Variants in RBKS observed in about 807,000 individuals in gnomAD.
The protein encoded by RBKS is ribokinase.
Under a neutral mutation model 33.9 loss-of-function variants are expected in RBKS, and 33 were observed. The ratio of observed to expected loss-of-function variants is 0.97; its 90% CI spans 0.74 to 1.30. RBKS has a LOEUF of 1.30. RBKS is among the 50% of genes most tolerant of loss of function. The pLI, the probability that RBKS is intolerant of heterozygous loss-of-function variation, is 0.00. For synonymous variants in RBKS, 125 were observed against 143.0 expected, an observed-to-expected ratio of 0.87 and a Z score of 0.90; for missense variants, 361 against 392.6, an observed-to-expected ratio of 0.92 and a Z score of 0.68.
At chr2:27,843,346 A>T in intron 4 of RBKS, 115 bp from the exon 5 acceptor site, 1 of 739,518 alleles carries the variant, frequency 1.4e-6, no homozygotes, top group Non-Finnish European at 2.0e-6. Context: ...TGTGTTATTA[A>T]GTATTAATTT....
intron 1 of RBKS, among the ~76,000 whole-genome samples, chr2:27,881,648 C>T (rs1664418923): frequency 6.6e-6 from 1 of 152,108 alleles, no homozygotes; most frequent in Non-Finnish European, 1.5e-5. Flanking sequence ...GGAGGCATCA[C>T]ACTACCTGAC....
chr2:27,839,234 A>G (rs1189484343), intron 5 of RBKS, among the ~76,000 whole-genome samples: 1 of 152,262 alleles, frequency 6.6e-6, no homozygotes, highest in East Asian at 1.9e-4. Context: ...CCAAAGGCAA[A>G]AGGACTGAAG....
rs141638854 is a variant in RBKS at position 27,861,344 on chromosome 2, T to G, written c.90-2773A>C. The G allele has an allele frequency of 9.8e-4, 393 of 402,948 alleles. 3 individuals carry two copies. Among genetic ancestry groups the G allele is most frequent in the Non-Finnish European group, 1.4e-3 (279 of 192,656 alleles). 25.0% of individuals were successfully genotyped at this position (402,948 alleles called of 1,614,324 possible). On this transcript the variant is annotated intron_variant, in intron 1 of 7. Transcript: ENST00000302188. ...GAAATGAGGATGTGGAGGTGTTGAT[T>G]AGGGAAGCAGGGGGAGACTGGCAGG...
At chr2:27,811,123 G>A (rs1381874568) in intron 7 of RBKS, among the ~76,000 whole-genome samples, 1 of 152,180 alleles carries the variant, frequency 6.6e-6, no homozygotes, top group African/African-American at 2.4e-5. Context: ...CTCTGCCTGA[G>A]TGCCACTTTA....
chr2:27,849,440 G>A (rs945302305), intron 2 of RBKS, among the ~76,000 whole-genome samples: 11 of 151,206 alleles, frequency 7.3e-5, no homozygotes, highest in Admixed American at 3.3e-4. Context: ...GCGCACGCCT[G>A]TAGTCCCAGT....
At chr2:27,858,644 G>T in intron 1 of RBKS, 73 bp from the exon 2 acceptor site, 1 of 1,381,458 alleles carries the variant, frequency 7.2e-7, no homozygotes, top group Non-Finnish European at 1.0e-6. Context: ...TAGAAGAGAG[G>T]GAAGGCTATA....
At chr2:27,841,302 A>G (rs1034572598) in intron 5 of RBKS, among the ~76,000 whole-genome samples, 1 of 152,226 alleles carries the variant, frequency 6.6e-6, no homozygotes, top group South Asian at 2.1e-4. Context: ...AGACTAGGAC[A>G]GAGGGAACAG....
At chr2:27,872,314 A>G (rs1664230089) in intron 1 of RBKS, among the ~76,000 whole-genome samples, 1 of 152,244 alleles carries the variant, frequency 6.6e-6, no homozygotes, top group Non-Finnish European at 1.5e-5. Flanking sequence ...ACTGGATTAC[A>G]TTCTCTAGTA....
chr2:27,862,753 C>G (rs1664015977), intron 1 of RBKS, among the ~76,000 whole-genome samples: 2 of 152,152 alleles, frequency 1.3e-5, no homozygotes, highest in African/African-American at 4.8e-5. Flanking sequence ...CTGTTAAACC[C>G]AGACTAAGAC....
chr2:27,878,277 T>C (rs1271386378), intron 1 of RBKS, among the ~76,000 whole-genome samples: 3 of 151,480 alleles, frequency 2.0e-5, no homozygotes, highest in Non-Finnish European at 4.4e-5. Flanking sequence ...TGAGAATATG[T>C]GGTGTTTGCT....
At chr2:27,783,908 G>GAAAA (rs1201425886) in intron 7 of RBKS, among the ~76,000 whole-genome samples, 1 of 23,628 alleles carries the variant, frequency 4.2e-5, no homozygotes, top group Non-Finnish European at 8.5e-5. Flanking sequence ...CTCTGTCTCA[G>GAAAA]AAAAAAAAAA....
At position 27,809,345 on chromosome 2, in the gene RBKS, G is replaced by C. The variant is rs1677949096; in HGVS notation, c.795+18222C>G. 2.6e-5 allele frequency among the ~76,000 whole-genome samples: 4 copies of C among 152,180 alleles called. No individual in the cohort carries two copies. The South Asian group carries it at 8.3e-4, about 32-fold the overall frequency. ...GAATGGCCTGTGGAGGCTGAAAATT[G>C]CTGAAAACCCCATTCTGCCCAAAAT... is the stretch of plus-strand genomic sequence containing the variant. On this transcript the variant is annotated intron_variant, in intron 7 of 7. Coordinates refer to ENST00000302188, the MANE Select transcript of RBKS (RefSeq NM_022128.3).
At chr2:27,800,530 A>G (rs957945567) in intron 7 of RBKS, among the ~76,000 whole-genome samples, 2 of 152,198 alleles carry the variant, frequency 1.3e-5, no homozygotes, top group Non-Finnish European at 2.9e-5. Context: ...AGTGCTTGGC[A>G]CAGAGCAGGT....
At chr2:27,853,076 T>A (rs1432159789) in intron 2 of RBKS, among the ~76,000 whole-genome samples, 1 of 152,158 alleles carries the variant, frequency 6.6e-6, no homozygotes, top group African/African-American at 2.4e-5. Flanking sequence ...ACCTTAATAA[T>A]GGCCTTTAGG....
At chr2:27,805,134 C>T (rs922072180) in intron 7 of RBKS, among the ~76,000 whole-genome samples, 1 of 152,126 alleles carries the variant, frequency 6.6e-6, no homozygotes. Context: ...CTTCCCTGGG[C>T]CACACTGGAA....
intron 6 of RBKS, among the ~76,000 whole-genome samples, chr2:27,828,630 T>C (rs1678363581): frequency 6.6e-6 from 1 of 152,226 alleles, no homozygotes; most frequent in Non-Finnish European, 1.5e-5. Context: ...AATTACAATC[T>C]GTAAAATCAG....
At chr2:27,832,250 G>GA (rs1678432229) in intron 6 of RBKS, among the ~76,000 whole-genome samples, 1 of 152,160 alleles carries the variant, frequency 6.6e-6, no homozygotes, top group African/African-American at 2.4e-5. Context: ...AGTTAAATTT[G>GA]AATTTAAGAT....
chr2:27,889,633 C>T (rs2148239585), intron 1 of RBKS, among the ~76,000 whole-genome samples: 1 of 152,250 alleles, frequency 6.6e-6, no homozygotes. Flanking sequence ...TCATCGTTTT[C>T]AGAGGTTGTA....
At chr2:27,801,979 T>A (rs1248245074) in intron 7 of RBKS, among the ~76,000 whole-genome samples, 18 of 98,532 alleles carry the variant, frequency 1.8e-4, no homozygotes, top group African/African-American at 7.3e-4. Flanking sequence ...TATATATATA[T>A]ATATATATAT....
Sources: gnomAD v4.1 joint callset for allele counts (sites outside exome capture counted in the v4.1 genomes callset) on GRCh38, gnomAD v4.1.1 for gene constraint, MANE v1.5 for transcripts, NCBI Gene and HGNC (gene_info 2026-07-23, HGNC 2026-07-21) for gene names.